The following GLMN variants were observed in gnomAD, a reference collection of about 807,000 sequenced individuals.
GLMN encodes the protein glomulin.
GLMN carries 75 observed loss-of-function variants against 87.8 expected under a neutral mutation model. That is an observed-to-expected ratio of 0.85 (90% confidence interval 0.71 to 1.04). The LOEUF (loss-of-function observed/expected upper bound fraction) is 1.04. Ranked by LOEUF, GLMN falls within the 50% of genes least tolerant of loss-of-function variation. GLMN has a pLI of 0.00. For synonymous variants in GLMN, 206 were observed against 221.6 expected (o/e 0.93, Z 0.63); for missense variants, 588 against 658.8 (o/e 0.89, Z 1.18).
At position 92,298,928 on chromosome 1, in the gene GLMN, C is replaced by T. The variant is rs556956035; in HGVS notation, c.-34G>A. 304 of 478,074 alleles carry T rather than the reference C, an allele frequency of 6.4e-4. 4 individuals carry two copies. The South Asian group carries it at 9.7e-3, about 15-fold the overall frequency. The allele number at this position is 478,074 out of a possible 1,614,324, so 29.6% of individuals were successfully genotyped here. A position where few individuals can be genotyped will look rare whatever the true frequency, so the allele number is the denominator to read the frequency against. On this transcript the variant is annotated 5_prime_UTR_variant, in exon 1 of 19. Transcript: ENST00000370360. ...ACCTCTCCACAACTCCACTTACCGG[C>T]CAGAACCCTCGCCTCTCCCAGCCGC...
intron 16 of GLMN, among the ~76,000 whole-genome samples, chr1:92,251,792 A>T (rs1032100930): frequency 7.9e-6 from 1 of 125,896 alleles, no homozygotes; most frequent in African/African-American, 3.3e-5. Flanking sequence ...TGATTCCCAA[A>T]ACTTTTTTTT....
the GLMN span, among the ~76,000 whole-genome samples, chr1:92,306,687 A>G: frequency 6.6e-6 from 1 of 152,164 alleles, no homozygotes; most frequent in East Asian, 1.9e-4. Flanking sequence ...CTACAAAAAA[A>G]TAAAATAGCC....
chr1:92,302,078 C>G (rs1203233146), upstream of GLMN, among the ~76,000 whole-genome samples: 1 of 152,042 alleles, frequency 6.6e-6, no homozygotes. Context: ...GTCAGGAGTT[C>G]GAGACCAGCC....
At chr1:92,317,020 A>AT in the GLMN span, among the ~76,000 whole-genome samples, 2 of 152,178 alleles carry the variant, frequency 1.3e-5, 1 homozygote, top group East Asian at 3.8e-4. Flanking sequence ...TGTAAAGTAT[A>AT]TTGAGTTCCT....
chr1:92,302,750 C>T (rs564385264), upstream of GLMN, among the ~76,000 whole-genome samples: 49 of 151,618 alleles, frequency 3.2e-4, no homozygotes, highest in Non-Finnish European at 6.3e-4. Flanking sequence ...TGGGCGCCCA[C>T]CATTACGCCC....
At chr1:92,264,807 T>C (rs1291438005) in intron 13 of GLMN, among the ~76,000 whole-genome samples, 169 bp from the exon 14 acceptor site, 1 of 152,212 alleles carries the variant, frequency 6.6e-6, no homozygotes, top group Non-Finnish European at 1.5e-5. Context: ...TCACCTGTAA[T>C]AGTTATTGCT....
chr1:92,298,652 C>A (rs185178753), intron 1 of GLMN, among the ~76,000 whole-genome samples: 1 of 152,192 alleles, frequency 6.6e-6, no homozygotes, highest in Non-Finnish European at 1.5e-5. Flanking sequence ...AGGAGGAGAC[C>A]ATCGCTTCTC....
chr1:92,286,707 G>C (rs1648796675), intron 6 of GLMN, 115 bp from the exon 7 acceptor site: 1 of 695,904 alleles, frequency 1.4e-6, no homozygotes. Context: ...GCTATGGTTT[G>C]AATGACTCTG....
At chr1:92,312,410 C>T in the GLMN span, among the ~76,000 whole-genome samples, 31 of 87,152 alleles carry the variant, frequency 3.6e-4, no homozygotes, top group African/African-American at 1.3e-3. Context: ...CAGAGCAAGA[C>T]CGTGTCTCAA....
chr1:92,268,664 C>G (rs573513942), intron 9 of GLMN, among the ~76,000 whole-genome samples: 1 of 152,128 alleles, frequency 6.6e-6, no homozygotes, highest in Admixed American at 6.5e-5. Context: ...GCCAGGAGAC[C>G]CTTGGAAATT....
At chr1:92,336,275 G>T in the GLMN span, 2 of 979,706 alleles carry the variant, frequency 2.0e-6, no homozygotes, top group Admixed American at 2.0e-5. Context: ...GGAAAATTCA[G>T]ATCTAGGCAT....
At chr1:92,347,219 A>G in the GLMN span, among the ~76,000 whole-genome samples, 1 of 152,222 alleles carries the variant, frequency 6.6e-6, no homozygotes, top group South Asian at 2.1e-4. Context: ...CATTTCTACT[A>G]TTCAGTGTTC....
intron 7 of GLMN, among the ~76,000 whole-genome samples, chr1:92,282,388 G>A (rs570628909): frequency 1.0e-3 from 156 of 152,214 alleles, no homozygotes; most frequent in African/African-American, 3.4e-3. Flanking sequence ...GGTACATAAC[G>A]AAATGAAGGC....
chr1:92,261,252 G>A (rs1045330471), intron 16 of GLMN, among the ~76,000 whole-genome samples: 7 of 152,210 alleles, frequency 4.6e-5, no homozygotes, highest in African/African-American at 1.7e-4. Context: ...CTTTCCAGAT[G>A]TTTGCCCTTG....
the GLMN span, among the ~76,000 whole-genome samples, chr1:92,350,119 G>A: frequency 5.9e-5 from 9 of 151,982 alleles, no homozygotes; most frequent in African/African-American, 2.2e-4. Flanking sequence ...TGATTCCATG[G>A]GACTTGAATT....
chr1:92,359,317 A>ATATT, the GLMN span, among the ~76,000 whole-genome samples: 5 of 152,088 alleles, frequency 3.3e-5, no homozygotes, highest in South Asian at 2.1e-4. Context: ...TTTTTATTTT[A>ATATT]TATTTATTTA....
chr1:92,362,090 C>T, the GLMN span, among the ~76,000 whole-genome samples: 3 of 152,104 alleles, frequency 2.0e-5, no homozygotes, highest in African/African-American at 7.2e-5. Flanking sequence ...ACTAGTTTTA[C>T]TGAATGTATT....
At chr1:92,294,324 TC>T in intron 3 of GLMN, among the ~76,000 whole-genome samples, 1 of 152,178 alleles carries the variant, frequency 6.6e-6, no homozygotes, top group East Asian at 1.9e-4. Context: ...TTGACCCCAG[TC>T]TTGTAAGATA....
chr1:92,256,798 A>AT (rs1391933092), intron 16 of GLMN, among the ~76,000 whole-genome samples: 1 of 152,218 alleles, frequency 6.6e-6, no homozygotes, highest in African/African-American at 2.4e-5. Context: ...AGCCAATATC[A>AT]TACTGAATGG....
Sources: allele counts gnomAD v4.1 joint callset (sites outside exome capture counted in the v4.1 genomes callset), GRCh38; gene constraint gnomAD v4.1.1; transcripts MANE v1.5; gene names NCBI Gene and HGNC (gene_info 2026-07-23, HGNC 2026-07-21).